Variants in MSRB3 observed in about 807,000 individuals in gnomAD.
The protein encoded by MSRB3 is methionine sulfoxide reductase B3.
In MSRB3, 13 loss-of-function variants were observed where a neutral mutation model predicts 21.0. That is an observed-to-expected ratio of 0.62 (90% CI 0.40 to 0.98). MSRB3 has a LOEUF of 0.98. Ranked by LOEUF, MSRB3 falls within the 50% of genes least tolerant of loss-of-function variation. The probability of loss-of-function intolerance (pLI) is 0.00; values close to 1 mark genes in which losing one functional copy is unlikely to be tolerated. For synonymous variants in MSRB3, 87 were observed against 88.6 expected (o/e 0.98, Z 0.10); for missense variants, 199 against 230.3 (o/e 0.86, Z 0.88).
chr12:65,424,989 A>ATATATC (rs1214797940), intron 5 of MSRB3, among the ~76,000 whole-genome samples: 3 of 96 alleles, frequency 0.031, no homozygotes, highest in Non-Finnish European at 0.053. Context: ...ATATATATAT[A>ATATATC]TCTCAATATT....
chr12:65,399,507 G>T (rs1880001470), intron 5 of MSRB3, among the ~76,000 whole-genome samples: 2 of 152,174 alleles, frequency 1.3e-5, no homozygotes, highest in Admixed American at 1.3e-4. Flanking sequence ...TTTGGGCTGA[G>T]ATGATGAGGT....
intron 5 of MSRB3, among the ~76,000 whole-genome samples, chr12:65,404,696 A>G: frequency 6.6e-6 from 1 of 152,230 alleles, no homozygotes; most frequent in East Asian, 1.9e-4. Context: ...GTTTTGAAAT[A>G]TGTATACATT....
chr12:65,306,783 T>C (rs1171187632), intron 1 of MSRB3: 2 of 905,272 alleles, frequency 2.2e-6, no homozygotes, highest in Admixed American at 6.2e-5. Flanking sequence ...CACAGTCATA[T>C]CATGCTGGAG....
chr12:65,400,591 T>G (rs1010986450), intron 5 of MSRB3, among the ~76,000 whole-genome samples: 3 of 152,164 alleles, frequency 2.0e-5, no homozygotes, highest in African/African-American at 7.2e-5. Context: ...TTTGAAGGGT[T>G]TTTTGTGTCT....
At chr12:65,356,605 C>G (rs1877398936) in intron 4 of MSRB3, among the ~76,000 whole-genome samples, 1 of 151,728 alleles carries the variant, frequency 6.6e-6, no homozygotes, top group South Asian at 2.1e-4. Flanking sequence ...TTGGAAATTA[C>G]TAATATAAAC....
At chr12:65,336,929 T>C (rs1035119091) in intron 4 of MSRB3, among the ~76,000 whole-genome samples, 5 of 152,120 alleles carry the variant, frequency 3.3e-5, no homozygotes, top group Non-Finnish European at 7.4e-5. Flanking sequence ...AGCTCACCAG[T>C]TGGAAACATC....
intron 5 of MSRB3, among the ~76,000 whole-genome samples, chr12:65,420,407 T>TG (rs1222450852): frequency 6.6e-6 from 1 of 151,910 alleles, no homozygotes; most frequent in African/African-American, 2.4e-5. Flanking sequence ...TTTTAAGATT[T>TG]TTTTTTTCTA....
intron 5 of MSRB3, among the ~76,000 whole-genome samples, chr12:65,371,660 T>C (rs1878336391): frequency 6.6e-6 from 1 of 152,120 alleles, no homozygotes. Context: ...TACCCAACTT[T>C]ATGCAGAGCT....
At chr12:65,388,633 G>T (rs1462223088) in intron 5 of MSRB3, among the ~76,000 whole-genome samples, 2 of 152,160 alleles carry the variant, frequency 1.3e-5, no homozygotes, top group Admixed American at 1.3e-4. Context: ...CACTTTGGGG[G>T]CCTGAGGTGG....
At chr12:65,443,296 A>G (rs963116566) in intron 5 of MSRB3, among the ~76,000 whole-genome samples, 3 of 152,104 alleles carry the variant, frequency 2.0e-5, no homozygotes, top group African/African-American at 7.2e-5. Flanking sequence ...ATTGTCCTCA[A>G]ACAGATTCAA....
intron 1 of MSRB3, chr12:65,279,068 G>A (rs1871839649): frequency 3.5e-6 from 5 of 1,419,386 alleles, no homozygotes; most frequent in Non-Finnish European, 3.7e-6. Flanking sequence ...CCGAACGGAA[G>A]GAGGTCAGGG....
intron 5 of MSRB3, among the ~76,000 whole-genome samples, chr12:65,410,042 G>A (rs532109642): frequency 3.3e-5 from 5 of 151,570 alleles, no homozygotes; most frequent in Middle Eastern, 3.4e-3. Context: ...GATATCTGGC[G>A]TGTTGTATTT....
At chr12:65,445,650 T>TA in intron 5 of MSRB3, among the ~76,000 whole-genome samples, 1 of 17,098 alleles carries the variant, frequency 5.8e-5, no homozygotes, top group African/African-American at 1.9e-4. Context: ...ATATATATAA[T>TA]TTTTTTTTTT....
At chr12:65,368,939 A>G in intron 4 of MSRB3, 59 bp from the exon 5 acceptor site, 3 of 434,410 alleles carry the variant, frequency 6.9e-6, no homozygotes, top group Non-Finnish European at 1.4e-5. Context: ...CCCCCCCATG[A>G]AATAATTGTT....
chr12:65,417,258 C>G (rs916038948), intron 5 of MSRB3, among the ~76,000 whole-genome samples: 1 of 152,096 alleles, frequency 6.6e-6, no homozygotes, highest in African/African-American at 2.4e-5. Flanking sequence ...ATGACATTAG[C>G]AGGTAGGAAA....
intron 5 of MSRB3, among the ~76,000 whole-genome samples, chr12:65,375,777 T>A (rs985864154): frequency 2.4e-4 from 36 of 152,148 alleles, no homozygotes; most frequent in Admixed American, 1.1e-3. Flanking sequence ...GATTTTCTTT[T>A]GGACATGATA....
At chr12:65,457,613 T>C (rs1883149053) in intron 6 of MSRB3, among the ~76,000 whole-genome samples, 1 of 152,078 alleles carries the variant, frequency 6.6e-6, no homozygotes, top group Non-Finnish European at 1.5e-5. Flanking sequence ...CTAATTAAAC[T>C]AAAGAGCTTT....
chr12:65,462,529 T>C (rs1001261590), intron 6 of MSRB3, among the ~76,000 whole-genome samples: 2 of 152,224 alleles, frequency 1.3e-5, no homozygotes, highest in Non-Finnish European at 2.9e-5. Flanking sequence ...GAAGCCAGCA[T>C]GACACTACTT....
chr12:65,390,106 C>A (rs1156701392), intron 5 of MSRB3, among the ~76,000 whole-genome samples: 1 of 152,170 alleles, frequency 6.6e-6, no homozygotes, highest in East Asian at 1.9e-4. Flanking sequence ...GAGATGTCCT[C>A]TTTTCTAGTT....
Sources: allele counts gnomAD v4.1 joint callset (sites outside exome capture counted in the v4.1 genomes callset), GRCh38; gene constraint gnomAD v4.1.1; transcripts MANE v1.5; gene names NCBI Gene and HGNC (gene_info 2026-07-23, HGNC 2026-07-21).